The following NPY4R variants were observed in gnomAD, a reference collection of about 807,000 sequenced individuals.
NPY4R encodes neuropeptide Y receptor Y4, also known as neuropeptide Y receptor type 4.
A neutral mutation model predicts 11.9 loss-of-function variants in NPY4R; 2 were observed. The ratio of observed to expected loss-of-function variants is 0.17; its 90% confidence interval spans 0.07 to 0.53. The LOEUF (loss-of-function observed/expected upper bound fraction) is 0.53, where lower values mean the gene tolerates loss of function less well. Among genes scored for constraint, NPY4R ranks in the 20% least tolerant of loss-of-function variants. The pLI is 0.94. For synonymous variants in NPY4R, 8 were observed against 121.7 expected, an observed-to-expected ratio of 0.07 and a Z score of 6.15; for missense variants, 26 against 280.2, an observed-to-expected ratio of 0.09 and a Z score of 6.48.
chr10:46,466,263 C>CTTT (rs1370103147), upstream of NPY4R, among the ~76,000 whole-genome samples: 510 of 12,396 alleles, frequency 0.041, 55 homozygotes, highest in African/African-American at 0.044. Context: ...TTCTTTCTTT[C>CTTT]CTTTCTTTCT....
chr10:46,466,191 C>CTT (rs782363956), upstream of NPY4R, among the ~76,000 whole-genome samples: 1 of 19,886 alleles, frequency 5.0e-5, no homozygotes, highest in South Asian at 1.4e-3. Context: ...CTCTTTCTTT[C>CTT]TTTCTTTCTT....
chr10:46,466,205 T>G (rs1354258516), upstream of NPY4R, among the ~76,000 whole-genome samples: 1 of 49,660 alleles, frequency 2.0e-5, no homozygotes, highest in African/African-American at 1.1e-4. Flanking sequence ...CTTTCTTTCT[T>G]TCTTTCTTTC....
intron 1 of NPY4R, among the ~76,000 whole-genome samples, chr10:46,464,485 G>C (rs1588925263): frequency 8.9e-6 from 1 of 111,854 alleles, no homozygotes; most frequent in East Asian, 2.2e-4. Context: ...GATTTCTCCA[G>C]CACTATGGTC....
Position 46,465,911 on chromosome 10 carries a change from G to GCCTGCTTCACCTGCT in NPY4R, c.-464_-450dup, listed in dbSNP as rs1291499955. On this transcript the variant is annotated 5_prime_UTR_variant, in exon 1 of 3. Transcript: ENST00000374312. ...GGCACCAGGCGCGGGGCAGAGCCGC[G>GCCTGCTTCACCTGCT]CCTGCTTCACCTGCTCCTGCTGCCC... 1.9e-5 allele frequency: 3 copies of GCCTGCTTCACCTGCT among 154,410 alleles called. No individual in the cohort carries two copies. The highest frequency in any genetic ancestry group is 7.2e-5 in the African/African-American group (3 of 41,456). 9.6% of individuals were successfully genotyped at this position (154,410 alleles called of 1,614,324 possible). A position where few individuals can be genotyped will look rare whatever the true frequency, so the allele number is the denominator to read the frequency against.
upstream of NPY4R, among the ~76,000 whole-genome samples, chr10:46,467,530 G>C (rs1444385169): frequency 1.3e-5 from 2 of 150,812 alleles, no homozygotes; most frequent in Non-Finnish European, 3.0e-5. Context: ...TAGCAGCCTA[G>C]TTGGTTGTCT....
upstream of NPY4R, among the ~76,000 whole-genome samples, chr10:46,466,057 C>T (rs1273444508): frequency 6.7e-6 from 1 of 150,350 alleles, no homozygotes; most frequent in Non-Finnish European, 1.5e-5. Context: ...GACCCCAGCA[C>T]TCGCCCTGGG....
chr10:46,466,267 T>TC (rs1841044020), upstream of NPY4R, among the ~76,000 whole-genome samples: 3 of 67,556 alleles, frequency 4.4e-5, no homozygotes, highest in African/African-American at 8.8e-5. Flanking sequence ...TTCTTTCCTT[T>TC]CTTTCTTTCT....
At chr10:46,466,247 C>CT (rs1257277143), upstream of NPY4R, among the ~76,000 whole-genome samples, 6 of 68,800 alleles carry the variant, frequency 8.7e-5, no homozygotes, top group African/African-American at 4.3e-4. Context: ...TTCTTTCTTT[C>CT]TTTCTTTCTT....
At chr10:46,466,282 TTC>T (rs1160755760), upstream of NPY4R, among the ~76,000 whole-genome samples, 78 of 63,734 alleles carry the variant, frequency 1.2e-3, 7 homozygotes, top group Middle Eastern at 7.8e-3. Context: ...CTTTCTTTCT[TTC>T]TCTCTCTCTC....
chr10:46,467,939 G>A (rs542539709), upstream of NPY4R, among the ~76,000 whole-genome samples: 9 of 107,442 alleles, frequency 8.4e-5, no homozygotes, highest in East Asian at 2.2e-3. Context: ...CCTAGCTCTT[G>A]TGGGTCAGAG....
chr10:46,464,463 C>T (rs1244788596), intron 1 of NPY4R, among the ~76,000 whole-genome samples: 5 of 114,210 alleles, frequency 4.4e-5, no homozygotes, highest in Non-Finnish European at 9.4e-5. Flanking sequence ...AACCAGATCT[C>T]GAAGGCAGGA....
upstream of NPY4R, among the ~76,000 whole-genome samples, chr10:46,466,262 TCC>T (rs1841042034): frequency 1.9e-5 from 1 of 53,416 alleles, no homozygotes. Flanking sequence ...TTTCTTTCTT[TCC>T]TTTCTTTCTT....
At chr10:46,466,247 CTTTCTTTCTTTCT>C (rs1841035058), upstream of NPY4R, among the ~76,000 whole-genome samples, 2 of 68,782 alleles carry the variant, frequency 2.9e-5, no homozygotes, top group African/African-American at 8.5e-5. Context: ...TTCTTTCTTT[CTTTCTTTCTTTCT>C]TTCCTTTCTT....
upstream of NPY4R, among the ~76,000 whole-genome samples, chr10:46,466,257 TTCTTTCC>T (rs1841039681): frequency 1.6e-5 from 1 of 63,710 alleles, no homozygotes; most frequent in African/African-American, 9.5e-5. Flanking sequence ...CTTTCTTTCT[TTCTTTCC>T]TTTCTTTCTT....
At chr10:46,466,221 TTC>T (rs1841025796), upstream of NPY4R, among the ~76,000 whole-genome samples, 1 of 64,830 alleles carries the variant, frequency 1.5e-5, no homozygotes, top group African/African-American at 9.8e-5. Context: ...CTTTCTTTCT[TTC>T]TTTCTTTCTT....
upstream of NPY4R, among the ~76,000 whole-genome samples, chr10:46,466,376 G>A (rs1271827712): frequency 9.1e-6 from 1 of 110,050 alleles, no homozygotes; most frequent in Non-Finnish European, 1.8e-5. Flanking sequence ...GGGTGTGTGC[G>A]TCTGCCTGTC....
upstream of NPY4R, among the ~76,000 whole-genome samples, chr10:46,466,217 T>TTC: frequency 1.6e-5 from 1 of 62,494 alleles, no homozygotes; most frequent in South Asian, 4.5e-4. Flanking sequence ...CTTTCTTTCT[T>TTC]TCTTTCTTTC....
chr10:46,466,183 CTTTCTT>C (rs1279457928), upstream of NPY4R, among the ~76,000 whole-genome samples: 7,882 of 93,324 alleles, frequency 0.084, 1,778 homozygotes, highest in East Asian at 0.18. Context: ...GTCTTTCTCT[CTTTCTT>C]TCTTTCTTTC....
upstream of NPY4R, among the ~76,000 whole-genome samples, chr10:46,466,243 CTTTCTTTCTTTCTTTCT>C (rs1841033439): frequency 1.2e-4 from 8 of 69,322 alleles, no homozygotes; most frequent in Admixed American, 4.4e-4. Flanking sequence ...TTCTTTCTTT[CTTTCTTTCTTTCTTTCT>C]TTCCTTTCTT....
Sources: gnomAD v4.1 joint callset for allele counts (sites outside exome capture counted in the v4.1 genomes callset) on GRCh38, gnomAD v4.1.1 for gene constraint, MANE v1.5 for transcripts, NCBI Gene and HGNC (gene_info 2026-07-23, HGNC 2026-07-21) for gene names.